The following GPHN variants were observed in gnomAD, a reference collection of about 807,000 sequenced individuals.
GPHN encodes gephyrin.
Under a neutral mutation model 95.5 loss-of-function variants are expected in GPHN, and 17 were observed. The observed-to-expected ratio is 0.18, with a 90% confidence interval of 0.12 to 0.27. The LOEUF (loss-of-function observed/expected upper bound fraction) is 0.27, where lower values mean the gene tolerates loss of function less well. Ranked by LOEUF, GPHN falls within the 10% of genes least tolerant of loss-of-function variation. The pLI is 1.00. For synonymous variants in GPHN, 320 were observed against 322.5 expected, an observed-to-expected ratio of 0.99 and a Z score of 0.08; for missense variants, 660 against 978.1, an observed-to-expected ratio of 0.67 and a Z score of 4.34.
the GPHN span, among the ~76,000 whole-genome samples, chr14:67,454,871 C>CAT: frequency 7.2e-6 from 1 of 139,556 alleles, no homozygotes; most frequent in Non-Finnish European, 1.6e-5. Flanking sequence ...ATTCTTTCTC[C>CAT]TTTTTTTTTT....
downstream of GPHN, among the ~76,000 whole-genome samples, chr14:67,186,234 G>A (rs1292786160): frequency 6.6e-6 from 1 of 152,010 alleles, no homozygotes; most frequent in Non-Finnish European, 1.5e-5. Flanking sequence ...GAAGGAGAGA[G>A]ATTATGAGAA....
the GPHN span, chr14:67,376,341 G>A: frequency 8.4e-7 from 1 of 1,196,078 alleles, no homozygotes; most frequent in Non-Finnish European, 1.1e-6. Context: ...TATTGTTAAG[G>A]AATTATTGTA....
chr14:66,695,090 C>A (rs867160365), intron 2 of GPHN, among the ~76,000 whole-genome samples: 1 of 151,888 alleles, frequency 6.6e-6, no homozygotes, highest in East Asian at 1.9e-4. Flanking sequence ...ACCCAGGAGG[C>A]GGAGGTTTCA....
chr14:66,511,840 CT>C (rs917637412), intron 1 of GPHN, among the ~76,000 whole-genome samples: 10 of 151,676 alleles, frequency 6.6e-5, no homozygotes, highest in East Asian at 1.9e-4. Context: ...TCTAATTATA[CT>C]TTTTTTTAAA....
At chr14:66,770,917 A>C (rs2059144015) in intron 2 of GPHN, among the ~76,000 whole-genome samples, 1 of 152,178 alleles carries the variant, frequency 6.6e-6, no homozygotes, top group Admixed American at 6.6e-5. Context: ...TAGAGAGTTT[A>C]GTACATTTTC....
At chr14:67,387,921 T>C in the GPHN span, among the ~76,000 whole-genome samples, 2 of 152,246 alleles carry the variant, frequency 1.3e-5, no homozygotes, top group African/African-American at 4.8e-5. Context: ...TATTAAGGTA[T>C]GTTGTTAACC....
At chr14:67,696,209 C>T in the GPHN span, among the ~76,000 whole-genome samples, 2 of 151,994 alleles carry the variant, frequency 1.3e-5, no homozygotes, top group Non-Finnish European at 2.9e-5. Flanking sequence ...CTAGGCACCG[C>T]GGTGTTTGTG....
the GPHN span, among the ~76,000 whole-genome samples, chr14:67,229,194 A>G: frequency 7.6e-4 from 116 of 152,358 alleles, no homozygotes; most frequent in African/African-American, 2.7e-3. Context: ...CAGCCAAGCT[A>G]AACGCAAATT....
intron 3 of GPHN, among the ~76,000 whole-genome samples, chr14:66,778,726 CTTTTTTT>C (rs759940498): frequency 5.1e-5 from 3 of 59,374 alleles, no homozygotes; most frequent in Non-Finnish European, 9.1e-5. Context: ...ACTCAAGGGG[CTTTTTTT>C]TTTTTTTTTT....
At chr14:67,333,587 T>A in the GPHN span, 5 of 152,644 alleles carry the variant, frequency 3.3e-5, no homozygotes, top group Non-Finnish European at 7.3e-5. Flanking sequence ...GAAGCACCAG[T>A]TTTTTTGCTC....
chr14:66,826,373 A>C (rs969676095), intron 4 of GPHN, among the ~76,000 whole-genome samples: 1 of 152,090 alleles, frequency 6.6e-6, no homozygotes, highest in Non-Finnish European at 1.5e-5. Context: ...CCAGTTCTTC[A>C]ACTCTCCAGA....
the GPHN span, among the ~76,000 whole-genome samples, chr14:67,313,210 A>G: frequency 6.6e-6 from 1 of 152,230 alleles, no homozygotes; most frequent in Non-Finnish European, 1.5e-5. Context: ...TTTAGCTTAC[A>G]TTATAGATTA....
intron 1 of GPHN, among the ~76,000 whole-genome samples, chr14:66,611,756 T>C (rs980063643): frequency 6.6e-6 from 1 of 152,196 alleles, no homozygotes; most frequent in Non-Finnish European, 1.5e-5. Context: ...AGCCATCAAA[T>C]ACCAGCTCTA....
downstream of GPHN, among the ~76,000 whole-genome samples, chr14:67,182,499 A>G (rs1444159647): frequency 1.3e-5 from 2 of 152,212 alleles, no homozygotes; most frequent in Non-Finnish European, 2.9e-5. Context: ...TTTCATTCAT[A>G]TTTACAGTTG....
chr14:66,680,910 T>C (rs186297599), intron 1 of GPHN, among the ~76,000 whole-genome samples, 197 bp from the exon 2 acceptor site: 29 of 152,198 alleles, frequency 1.9e-4, no homozygotes, highest in Non-Finnish European at 1.0e-4. Context: ...TGGATTGTTA[T>C]TGAAATGTTG....
intron 2 of GPHN, among the ~76,000 whole-genome samples, chr14:66,739,249 C>T (rs1185768271): frequency 6.8e-6 from 1 of 146,398 alleles, no homozygotes; most frequent in Non-Finnish European, 1.5e-5. Flanking sequence ...CAGAGTCTCG[C>T]TCTGTCACCC....
At chr14:67,401,727 G>A in the GPHN span, among the ~76,000 whole-genome samples, 1 of 152,294 alleles carries the variant, frequency 6.6e-6, no homozygotes, top group African/African-American at 2.4e-5. Context: ...CACCTATTCT[G>A]TGATATTTAG....
At chr14:66,946,007 A>G (rs2067726223) in intron 8 of GPHN, among the ~76,000 whole-genome samples, 1 of 152,132 alleles carries the variant, frequency 6.6e-6, no homozygotes. Flanking sequence ...TAAGTACAAA[A>G]TAGTTTTACA....
chr14:67,348,624 C>G, the GPHN span, among the ~76,000 whole-genome samples: 2 of 151,554 alleles, frequency 1.3e-5, no homozygotes, highest in Non-Finnish European at 2.9e-5. Flanking sequence ...CGGGTTCAAG[C>G]GATTCTCCTG....
Sources: allele counts gnomAD v4.1 joint callset (sites outside exome capture counted in the v4.1 genomes callset), GRCh38; gene constraint gnomAD v4.1.1; transcripts MANE v1.5; gene names NCBI Gene and HGNC (gene_info 2026-07-23, HGNC 2026-07-21).